The following SUN1 variants were observed in gnomAD, a reference collection of about 807,000 sequenced individuals.
The protein encoded by SUN1 is SUN domain-containing protein 1.
A neutral mutation model predicts 103.2 loss-of-function variants in SUN1; 61 were observed. The observed-to-expected ratio is 0.59, with a 90% confidence interval of 0.48 to 0.73. The LOEUF is 0.73. Ranked by LOEUF, SUN1 falls within the 30% of genes least tolerant of loss-of-function variation. The pLI is 0.00. For synonymous variants in SUN1, 490 were observed against 425.7 expected (o/e 1.15, Z -1.86); for missense variants, 1,052 against 1,034.6 (o/e 1.02, Z -0.23).
At chr7:825,940 G>T (rs1791368031) in intron 1 of SUN1, among the ~76,000 whole-genome samples, 1 of 151,320 alleles carries the variant, frequency 6.6e-6, no homozygotes, top group African/African-American at 2.4e-5. Context: ...ATTATTTACA[G>T]TGGACTTAAG....
intron 5 of SUN1, chr7:848,595 CAAA>C: frequency 7.5e-7 from 1 of 1,339,570 alleles, no homozygotes; most frequent in Non-Finnish European, 9.9e-7. Context: ...AGCTATAAGT[CAAA>C]AAGCCATGAA....
At chr7:852,538 AG>A in intron 7 of SUN1, 70 bp from the exon 8 acceptor site, 1 of 1,590,916 alleles carries the variant, frequency 6.3e-7, no homozygotes, top group Non-Finnish European at 8.6e-7. Context: ...AATTATCTAG[AG>A]GGGGAAAACA....
intron 1 of SUN1, chr7:817,226 C>T (rs1342900725): frequency 1.3e-5 from 8 of 596,950 alleles, no homozygotes; most frequent in African/African-American, 5.6e-5. Flanking sequence ...TCCCGAAGCG[C>T]TCGGATCACA....
intron 18 of SUN1, 96 bp downstream of exon 18, chr7:872,658 T>A: frequency 1.1e-6 from 1 of 941,452 alleles, no homozygotes; most frequent in Non-Finnish European, 1.6e-6. Context: ...GAAAGCAGCG[T>A]GAGGACCATC....
intron 3 of SUN1, chr7:842,688 G>A (rs1159918944): frequency 5.2e-6 from 1 of 190,684 alleles, no homozygotes; most frequent in Non-Finnish European, 1.1e-5. Context: ...GGAGAGGGAA[G>A]CATGGTAAGG....
chr7:839,127 C>T (rs906842900), intron 2 of SUN1, 141 bp downstream of exon 2: 1 of 813,630 alleles, frequency 1.2e-6, no homozygotes, highest in Non-Finnish European at 1.7e-6. Context: ...ACACACAAAC[C>T]TGTCATATAA....
chr7:849,175 C>T (rs1043000961), intron 5 of SUN1, among the ~76,000 whole-genome samples: 3 of 152,242 alleles, frequency 2.0e-5, no homozygotes, highest in African/African-American at 7.2e-5. Flanking sequence ...CCAAGATGGT[C>T]TCCAACTCCT....
intron 15 of SUN1, among the ~76,000 whole-genome samples, 188 bp downstream of exon 15, chr7:861,652 G>T (rs1180708389): frequency 1.3e-5 from 2 of 152,186 alleles, no homozygotes; most frequent in Non-Finnish European, 2.9e-5. Flanking sequence ...TGTTTGGGGG[G>T]CACAAGTTCT....
At chr7:829,847 C>A (rs1796351294), upstream of SUN1, among the ~76,000 whole-genome samples, 1 of 152,220 alleles carries the variant, frequency 6.6e-6, no homozygotes, top group South Asian at 2.1e-4. Flanking sequence ...AGCCACCGAG[C>A]CCGGCCATAA....
chr7:859,599 G>C (rs530070499), intron 13 of SUN1, among the ~76,000 whole-genome samples: 99 of 152,290 alleles, frequency 6.5e-4, no homozygotes, highest in African/African-American at 2.1e-3. Context: ...TGTGATGAAC[G>C]GTCGTGTCCT....
chr7:840,466 G>A (rs945432871), intron 2 of SUN1, among the ~76,000 whole-genome samples: 4 of 152,214 alleles, frequency 2.6e-5, no homozygotes, highest in African/African-American at 9.6e-5. Flanking sequence ...TCTGCCGGGT[G>A]TCACTGCTGC....
chr7:851,884 G>A, intron 6 of SUN1, 66 bp from the exon 7 acceptor site: 1 of 1,529,688 alleles, frequency 6.5e-7, no homozygotes, highest in Middle Eastern at 1.7e-4. Context: ...TCACAGAAAT[G>A]GTCCATTTAG....
At chr7:825,461 G>A (rs767456948) in intron 1 of SUN1, among the ~76,000 whole-genome samples, 7 of 152,126 alleles carry the variant, frequency 4.6e-5, no homozygotes, top group African/African-American at 7.2e-5. Context: ...AGTTCCATCC[G>A]CCCGAATTTA....
At chr7:835,147 A>G (rs888724031) in intron 1 of SUN1, among the ~76,000 whole-genome samples, 1 of 152,272 alleles carries the variant, frequency 6.6e-6, no homozygotes, top group African/African-American at 2.4e-5. Flanking sequence ...GAATAGTGAC[A>G]AGCCCATTTG....
intron 3 of SUN1, 97 bp from the exon 4 acceptor site, chr7:843,109 C>G: frequency 3.3e-6 from 5 of 1,536,472 alleles, no homozygotes; most frequent in South Asian, 1.2e-5. Context: ...GATTTATTAA[C>G]CATTGTAACC....
intron 15 of SUN1, among the ~76,000 whole-genome samples, chr7:865,066 A>T (rs377246297): frequency 2.6e-5 from 4 of 152,124 alleles, no homozygotes; most frequent in African/African-American, 9.7e-5. Flanking sequence ...AAGTGAGAAC[A>T]TGGGATGTTT....
At chr7:834,640 C>T (rs775321663) in intron 1 of SUN1, among the ~76,000 whole-genome samples, 3 of 152,198 alleles carry the variant, frequency 2.0e-5, no homozygotes, top group African/African-American at 7.2e-5. Context: ...CAGCCCTCCC[C>T]GCACAGCTGG....
At chr7:857,706 A>C in intron 12 of SUN1, 122 bp from the exon 13 acceptor site, 1 of 1,259,030 alleles carries the variant, frequency 7.9e-7, no homozygotes. Flanking sequence ...GTGGCACAGG[A>C]TGACATCTGT....
chr7:853,118 T>C (rs1823814541), intron 9 of SUN1, 166 bp downstream of exon 9: 4 of 934,822 alleles, frequency 4.3e-6, no homozygotes, highest in African/African-American at 3.3e-5. Flanking sequence ...TCTAGGATAG[T>C]TCAAATGCAC....
Sources: gnomAD v4.1 joint callset for allele counts (sites outside exome capture counted in the v4.1 genomes callset) on GRCh38, gnomAD v4.1.1 for gene constraint, MANE v1.5 for transcripts, NCBI Gene and HGNC (gene_info 2026-07-23, HGNC 2026-07-21) for gene names.